Variants in MRPL13 observed in about 807,000 individuals in gnomAD.
The protein encoded by MRPL13 is mitochondrial ribosomal protein L13, also known as large ribosomal subunit protein uL13m.
A neutral mutation model predicts 29.0 loss-of-function variants in MRPL13; 33 were observed. The observed-to-expected ratio is 1.14, with a 90% CI of 0.86 to 1.52. The LOEUF is 1.52. Among genes scored for constraint, MRPL13 ranks in the 40% most tolerant of loss-of-function variants. The pLI is 0.00. For synonymous variants in MRPL13, 77 were observed against 68.4 expected (o/e 1.13, Z -0.62); for missense variants, 227 against 216.7 (o/e 1.05, Z -0.30).
chr8:120,416,265 C>A (rs1025162749), intron 5 of MRPL13, among the ~76,000 whole-genome samples: 3 of 152,056 alleles, frequency 2.0e-5, no homozygotes, highest in African/African-American at 7.2e-5. Context: ...GAGGCAGAGG[C>A]GGGTGGATCA....
At position 120,411,974 on chromosome 8, in the gene MRPL13, A is replaced by C. The variant is rs772011883; in HGVS notation, c.515+2017T>G. Among the ~76,000 whole-genome samples, 39 of 152,312 alleles carry C rather than the reference A, an allele frequency of 2.6e-4. 1 individual carries two copies. The highest frequency in any genetic ancestry group is 2.6e-4 in the Admixed American group (4 of 15,288). ...CAGTACTCTGACTATAATAACACTA[A>C]ATATAATTTGTGAATTATTATATTA... On this transcript the variant is annotated intron_variant, in intron 6 of 6. Transcript: ENST00000306185.
chr8:120,419,152 CTAT>C (rs774845659), intron 5 of MRPL13, among the ~76,000 whole-genome samples: 14 of 151,808 alleles, frequency 9.2e-5, no homozygotes, highest in Non-Finnish European at 2.1e-4. Flanking sequence ...AAAATAGATA[CTAT>C]TATTATGTCA....
chr8:120,437,680 A>C (rs927671225), intron 2 of MRPL13, among the ~76,000 whole-genome samples: 1 of 152,144 alleles, frequency 6.6e-6, no homozygotes, highest in Non-Finnish European at 1.5e-5. Flanking sequence ...ACCTTAACCC[A>C]CATTTTCCAT....
intron 6 of MRPL13, 149 bp from the exon 7 acceptor site, chr8:120,396,274 AC>A (rs368695926): frequency 7.9e-6 from 5 of 629,924 alleles, no homozygotes; most frequent in Non-Finnish European, 1.4e-5. Context: ...TGAAAAAAAA[AC>A]ATTAACATCA....
Position 120,445,132 on chromosome 8 carries a change from T to A in MRPL13, c.-38A>T. ...GCAGGACCGTACGTCCTTCTCCTAG[T>A]AGCCACGCCGGGTCACTCAGCCTTA... On this transcript the variant is annotated 5_prime_UTR_variant, in exon 1 of 7. Coordinates refer to ENST00000306185, the MANE Select transcript of MRPL13 (RefSeq NM_014078.6). The A allele has an allele frequency of 1.2e-6, 2 of 1,613,736 alleles. No homozygotes were observed. Among genetic ancestry groups the A allele is most frequent in the Non-Finnish European group, 1.7e-6 (2 of 1,179,812 alleles).
intron 6 of MRPL13, among the ~76,000 whole-genome samples, chr8:120,406,823 C>A (rs1456201719): frequency 6.6e-6 from 1 of 152,078 alleles, no homozygotes; most frequent in Non-Finnish European, 1.5e-5. Context: ...GCTAAACTTT[C>A]CATAGCTATC....
chr8:120,419,419 T>C (rs1168465919), intron 5 of MRPL13, among the ~76,000 whole-genome samples: 3 of 151,976 alleles, frequency 2.0e-5, no homozygotes, highest in African/African-American at 7.2e-5. Flanking sequence ...TGAACAAGTA[T>C]TCTAAAGTTA....
Position 120,445,050 on chromosome 8 carries a change from A to T in MRPL13, c.27+18T>A. ...CCAGTATAATGAACCCCATCAAGCC[A>T]TAAGAGTCCGAGCTCACCTGGGGCG... is the stretch of plus-strand genomic sequence containing the variant. On this transcript the variant is annotated intron_variant, in intron 1 of 6. Coordinates refer to ENST00000306185, the MANE Select transcript of MRPL13 (RefSeq NM_014078.6). 1 of 1,613,906 alleles carries T rather than the reference A, an allele frequency of 6.2e-7. No homozygotes were observed. Among genetic ancestry groups the T allele is most frequent in the Non-Finnish European group, 8.5e-7 (1 of 1,179,892 alleles).
intron 5 of MRPL13, among the ~76,000 whole-genome samples, chr8:120,418,132 T>C (rs984459965): frequency 1.3e-5 from 2 of 152,094 alleles, no homozygotes; most frequent in Admixed American, 6.5e-5. Flanking sequence ...TATATATGCA[T>C]ACAAATGTAG....
rs1429392468 is a variant in MRPL13, at chr8:120,395,795, G to A, written c.*309C>T. The stretch of plus-strand genomic sequence containing the variant: ...AGAGGCATTTTTGGAATGTGTAACT[G>A]CAATTCTATACACAGGGTCTGTTTT... On this transcript the variant is annotated 3_prime_UTR_variant, in exon 7 of 7. Transcript: ENST00000306185. 4.5e-6 allele frequency: 1 copy of A among 220,298 alleles called. No individual in the cohort carries two copies. Among genetic ancestry groups the A allele is most frequent in the Non-Finnish European group, 8.8e-6 (1 of 113,742 alleles). The allele number at this position is 220,298 out of a possible 1,614,324, so 13.6% of individuals were successfully genotyped here.
chr8:120,433,589 T>C (rs1348270507), intron 2 of MRPL13, among the ~76,000 whole-genome samples: 2 of 152,126 alleles, frequency 1.3e-5, no homozygotes, highest in African/African-American at 2.4e-5. Context: ...ACAAAGCAAC[T>C]GAAAATCATA....
At chr8:120,438,061 A>C (rs1813075409) in intron 2 of MRPL13, among the ~76,000 whole-genome samples, 3 of 152,178 alleles carry the variant, frequency 2.0e-5, no homozygotes, top group Non-Finnish European at 4.4e-5. Context: ...AATATGTTAC[A>C]TATTAAATAC....
chr8:120,442,432 A>G (rs1181609661), intron 2 of MRPL13, among the ~76,000 whole-genome samples: 1 of 152,208 alleles, frequency 6.6e-6, no homozygotes, highest in African/African-American at 2.4e-5. Context: ...ACCAATGCTG[A>G]GTATATTCAT....
chr8:120,445,090 G>A lies in MRPL13; in HGVS notation c.5C>T (p.Ser2Leu), dbSNP rs368733531. Reference sequence around the variant, plus strand: ...CACCTGGGGCGCCCTAGAGAAACTCGACATATTCCTCTACTAGCAGGACCG... The same window carrying A: ...CACCTGGGGCGCCCTAGAGAAACTCAACATATTCCTCTACTAGCAGGACCG... MSSFSRAPQQWA... is the reference protein window; with the variant it reads MLSFSRAPQQWA... Residue 2 changes from serine to leucine, a missense_variant, in exon 1 of 7, where the codon TCG becomes TTG. Transcript: ENST00000306185. 10 of 1,613,730 alleles carry A rather than the reference G, an allele frequency of 6.2e-6. No individual in the cohort carries two copies. The African/African-American group carries it at 1.3e-4, about 22-fold the overall frequency.
intron 3 of MRPL13, among the ~76,000 whole-genome samples, chr8:120,431,766 A>G (rs1303865202): frequency 6.6e-6 from 1 of 152,178 alleles, no homozygotes; most frequent in East Asian, 1.9e-4. Context: ...ATACAAAGTA[A>G]AAGAGTGACT....
chr8:120,443,110 C>T (rs767203645), intron 2 of MRPL13, 75 bp downstream of exon 2: 148 of 1,314,858 alleles, frequency 1.1e-4, no homozygotes, highest in Non-Finnish European at 1.4e-4. Flanking sequence ...AAACTCAGCC[C>T]TGTTAAACTT....
chr8:120,422,401 A>C (rs1212132756), intron 4 of MRPL13, among the ~76,000 whole-genome samples: 1 of 151,522 alleles, frequency 6.6e-6, no homozygotes, highest in Non-Finnish European at 1.5e-5. Context: ...AAAAAACAAC[A>C]GGAGACTTTG....
chr8:120,410,742 G>A (rs1812730110), intron 6 of MRPL13, among the ~76,000 whole-genome samples: 1 of 151,864 alleles, frequency 6.6e-6, no homozygotes. Flanking sequence ...CGAATAGAGA[G>A]TTACCTCCCT....
chr8:120,411,155 G>C (rs1430524731), intron 6 of MRPL13, among the ~76,000 whole-genome samples: 1 of 152,080 alleles, frequency 6.6e-6, no homozygotes, highest in Non-Finnish European at 1.5e-5. Context: ...GCAAACTCCT[G>C]GGCTCAAGAG....
Sources: gnomAD v4.1 joint callset for allele counts (sites outside exome capture counted in the v4.1 genomes callset) on GRCh38, gnomAD v4.1.1 for gene constraint, MANE v1.5 for transcripts, NCBI Gene and HGNC (gene_info 2026-07-23, HGNC 2026-07-21) for gene names.